Variants in PTGDS observed in about 807,000 individuals in gnomAD.
PTGDS encodes the protein prostaglandin D2 synthase, also known as prostaglandin-H2 D-isomerase.
PTGDS carries 21 observed loss-of-function variants against 28.4 expected under a neutral mutation model. The ratio of observed to expected loss-of-function variants is 0.74; its 90% confidence interval spans 0.52 to 1.07. The LOEUF is 1.07. Among genes scored for constraint, PTGDS ranks in the 50% least tolerant of loss-of-function variants. The pLI is 0.00. For synonymous variants in PTGDS, 102 were observed against 106.0 expected (o/e 0.96, Z 0.23); for missense variants, 243 against 247.7 (o/e 0.98, Z 0.13).
At chr9:136,980,931 G>A (rs1397310697) in intron 6 of PTGDS, 76 bp downstream of exon 6, 3 of 1,505,896 alleles carry the variant, frequency 2.0e-6, no homozygotes, top group African/African-American at 1.4e-5. Flanking sequence ...CCCACTCTGC[G>A]ATGGGATGGA....
chr9:136,979,664 C>G, intron 3 of PTGDS: 1 of 609,524 alleles, frequency 1.6e-6, no homozygotes, highest in Non-Finnish European at 2.9e-6. Flanking sequence ...ATGGCTCCCA[C>G]GGGGAAACCT....
chr9:136,977,980 C>G lies in PTGDS; in HGVS notation c.114+288C>G, dbSNP rs373493804. Among the ~76,000 whole-genome samples the G allele has an allele frequency of 6.6e-5, 10 of 152,306 alleles. No homozygotes were observed. The East Asian group carries it at 1.7e-3, about 26-fold the overall frequency. ...CCAGACACGTCCACCCCTGTGGGCACGCGACCCCCAGAGGACACACGAGCG... is the reference window on the plus strand; with the variant it reads ...CCAGACACGTCCACCCCTGTGGGCAGGCGACCCCCAGAGGACACACGAGCG... On this transcript the variant is annotated intron_variant, in intron 1 of 6. Transcript: ENST00000371625.
At chr9:136,981,129 C>G (rs563777829) in intron 6 of PTGDS, 2 of 500,346 alleles carry the variant, frequency 4.0e-6, no homozygotes, top group Admixed American at 7.3e-5. Context: ...GGTGCAGGTG[C>G]GAGGCCCCAG....
At chr9:136,980,331 G>A (rs1830434413) in intron 5 of PTGDS, 47 bp downstream of exon 5, 3 of 1,582,684 alleles carry the variant, frequency 1.9e-6, no homozygotes, top group African/African-American at 1.3e-5. Context: ...TCAGATTAGA[G>A]GCAGGCAGGC....
rs367927175 is a variant in PTGDS, at chr9:136,980,274, G to C, written c.540G>C (p.Leu180=). The C allele has an allele frequency of 2.5e-6, 4 of 1,614,008 alleles. No individual in the cohort carries two copies. The highest frequency in any genetic ancestry group is 3.4e-6 in the Non-Finnish European group (4 of 1,179,946). ...QGFTEDTIVF[L]PQTDKCMTEQ is the part of the protein sequence containing the mutation. ...TCACAGAGGATACCATTGTCTTCCT[G>C]CCCCAAACCGGTGAGGGGTCCTAAT... Residue 180 remains leucine, a synonymous_variant, in exon 5 of 7, where the codon CTG becomes CTC. Coordinates refer to ENST00000371625, the MANE Select transcript of PTGDS (RefSeq NM_000954.6).
chr9:136,980,864 C>CCCCA lies in PTGDS; in HGVS notation c.*9_*10insCCCA, dbSNP rs1564196837. The CCCCA allele has an allele frequency of 1.6e-6, 2 of 1,272,540 alleles. No homozygotes were observed. The highest frequency in any genetic ancestry group is 4.9e-5 in the Admixed American group (2 of 40,608). 78.8% of individuals were successfully genotyped at this position (1,272,540 alleles called of 1,614,324 possible). A position where few individuals can be genotyped will look rare whatever the true frequency, so the allele number is the denominator to read the frequency against. On this transcript the variant is annotated intron_variant, in intron 6 of 6. Coordinates refer to ENST00000371625, the MANE Select transcript of PTGDS (RefSeq NM_000954.6). ...GCATGACGGAACAATAGGTGAGCCA[C>CCCCA]TCCATTCATTCATTCATTCATTCAT...
chr9:136,979,266 G>C lies in PTGDS; in HGVS notation c.298G>C (p.Gly100Arg). The change falls in exon 3 of 7, where the codon GGG becomes CGG. Residue 100 changes from glycine to arginine, a missense_variant. Physicochemically the swap from Gly to Arg is moderately radical, Grantham distance 125 (BLOSUM62 -2). Transcript: ENST00000371625. ...CCGAACCATGCTGCTGCAGCCCGCG[G>C]GGTCCCTCGGCTCCTACAGCTACCG... Reference protein sequence around the residue: ...ETRTMLLQPAGSLGSYSYRSP... With the variant: ...ETRTMLLQPARSLGSYSYRSP... 1 of 1,612,314 alleles carries C rather than the reference G, an allele frequency of 6.2e-7. No individual in the cohort carries two copies. The highest frequency in any genetic ancestry group is 8.5e-7 in the Non-Finnish European group (1 of 1,179,580).
intron 3 of PTGDS, 136 bp downstream of exon 3, chr9:136,979,435 G>GGATGGATCAGGGCC: frequency 6.4e-7 from 1 of 1,554,232 alleles, no homozygotes; most frequent in East Asian, 2.4e-5. Context: ...AGAGGCAAAG[G>GGATGGATCAGGGCC]CCAGGCCTGG....
At chr9:136,980,644 G>A (rs1197882941) in intron 5 of PTGDS, 189 bp from the exon 6 acceptor site, 1 of 1,546,796 alleles carries the variant, frequency 6.5e-7, no homozygotes, top group Admixed American at 2.0e-5. Flanking sequence ...GCCTGCTCTT[G>A]GCAGAGGTGG....
At position 136,980,024 on chromosome 9, in the gene PTGDS, A is replaced by G; in HGVS notation, c.410A>G (p.Lys137Arg). The change falls in exon 4 of 7, where the codon AAG (lysine) becomes AGG (arginine). Residue 137 changes from lysine to arginine, a missense_variant. Transcript: ENST00000371625. ...QYALLYSQGS[K>R]GPGEDFRMAT... ...GCGCTGCTGTACAGCCAGGGCAGCA[A>G]GGGCCCTGGCGAGGACTTCCGCATG... 1 of 1,612,874 alleles carries G rather than the reference A, an allele frequency of 6.2e-7. No individual in the cohort carries two copies. The highest frequency in any genetic ancestry group is 8.5e-7 in the Non-Finnish European group (1 of 1,179,846).
In PTGDS at chr9:136,979,926, G is replaced by T. The variant is rs773016894; in HGVS notation, c.332-20G>T. ...TTTGGGGGGCTGAGTCCCCGACAGG[G>T]TTGTCTCTTGGGTTCCCAGACTGGG... On this transcript the variant is annotated intron_variant, in intron 3 of 6. Transcript: ENST00000371625. 4 of 1,608,134 alleles carry T rather than the reference G, an allele frequency of 2.5e-6. 1 individual carries two copies. The Admixed American group carries it at 5.0e-5, about 20-fold the overall frequency.
intron 1 of PTGDS, 68 bp from the exon 2 acceptor site, chr9:136,978,925 C>A (rs759838849): frequency 1.6e-5 from 26 of 1,576,920 alleles, no homozygotes; most frequent in Middle Eastern, 2.1e-4. Flanking sequence ...GGCAGAGGCG[C>A]CCCCGCAGGT....
Position 136,979,070 on chromosome 9 carries a change from G to A in PTGDS, c.192G>A (p.Met64Ile), listed in dbSNP as rs144270222. 9.9e-6 allele frequency: 16 copies of A among 1,610,266 alleles called. No homozygotes were observed. Among genetic ancestry groups the A allele is most frequent in the Non-Finnish European group, 1.4e-5 (16 of 1,178,396 alleles). ...WLREKKAALS[M>I]CKSVVAPATD... is the part of the protein sequence containing the mutation. ...GGGAGAAGAAGGCGGCGTTGTCCAT[G>A]TGCAAGTCTGTGGTGGCCCCTGCCA... The change falls in exon 2 of 7, where the codon ATG (methionine) becomes ATA (isoleucine). Residue 64 changes from methionine to isoleucine, a missense_variant. Physicochemically the swap from Met to Ile is conservative, Grantham distance 10. Transcript: ENST00000371625.
At chr9:136,978,614 G>T (rs1269460478) in intron 1 of PTGDS, among the ~76,000 whole-genome samples, 1 of 135,728 alleles carries the variant, frequency 7.4e-6, no homozygotes, top group Non-Finnish European at 1.6e-5. Flanking sequence ...GGGGCATGGG[G>T]CGTGAGGGGC....
rs922681402 is a variant in PTGDS at position 136,977,791 on chromosome 9, T to C, written c.114+99T>C. On this transcript the variant is annotated intron_variant, in intron 1 of 6. Coordinates refer to ENST00000371625, the MANE Select transcript of PTGDS (RefSeq NM_000954.6). ...TTCCCCCTGGGAGGAGTGAGCGAAG[T>C]CCCGCAGTGCCGGGCAGTGCCGGCC... 32 of 1,161,184 alleles carry C rather than the reference T, an allele frequency of 2.8e-5. No individual in the cohort carries two copies. The African/African-American group carries it at 4.4e-4, about 16-fold the overall frequency. The allele number at this position is 1,161,184 out of a possible 1,614,324, so 71.9% of individuals were successfully genotyped here.
intron 6 of PTGDS, among the ~76,000 whole-genome samples, chr9:136,981,246 AG>A (rs1007559770): frequency 4.6e-5 from 7 of 152,166 alleles, no homozygotes; most frequent in African/African-American, 1.7e-4. Context: ...GGGAGGGAAC[AG>A]GGGATGGAAG....
chr9:136,980,673 T>A (rs749923717), intron 5 of PTGDS, 160 bp from the exon 6 acceptor site: 1 of 1,582,704 alleles, frequency 6.3e-7, no homozygotes, highest in South Asian at 1.1e-5. Context: ...CCTCTCTTTG[T>A]TTCCAGTGCC....
At position 136,980,233 on chromosome 9, in the gene PTGDS, T is replaced by C; in HGVS notation, c.499T>C (p.Cys167Arg). Residue 167 changes from cysteine to arginine, a missense_variant, in exon 5 of 7, where the codon TGC becomes CGC. Cys to Arg is a radical substitution (Grantham distance 180, BLOSUM62 -3). Coordinates refer to ENST00000371625, the MANE Select transcript of PTGDS (RefSeq NM_000954.6). ...GTTAAAGGAGAAATTCACCGCCTTC[T>C]GCAAGGCCCAGGGCTTCACAGAGGA... ...AELKEKFTAF[C>R]KAQGFTEDTI... 2 of 1,614,070 alleles carry C rather than the reference T, an allele frequency of 1.2e-6. No homozygotes were observed. The highest frequency in any genetic ancestry group is 1.7e-6 in the Non-Finnish European group (2 of 1,179,988).
At chr9:136,981,160 A>G in intron 6 of PTGDS, 3 of 429,584 alleles carry the variant, frequency 7.0e-6, no homozygotes, top group South Asian at 9.5e-5. Flanking sequence ...CCAAGGGGCT[A>G]TACCACAGGG....
Sources: allele counts gnomAD v4.1 joint callset (sites outside exome capture counted in the v4.1 genomes callset), GRCh38; gene constraint gnomAD v4.1.1; transcripts MANE v1.5; gene names NCBI Gene and HGNC (gene_info 2026-07-23, HGNC 2026-07-21).